NOVA1: variants seen among roughly 807,000 people sequenced by gnomAD.
NOVA1 encodes RNA-binding protein Nova-1.
Under a neutral mutation model 38.0 loss-of-function variants are expected in NOVA1, and 7 were observed. That is an observed-to-expected ratio of 0.18 (90% CI 0.10 to 0.35). The LOEUF is 0.35. Ranked by LOEUF, NOVA1 falls within the 10% of genes least tolerant of loss-of-function variation. The pLI, the probability that NOVA1 is intolerant of heterozygous loss-of-function variation, is 1.00. For missense variants in NOVA1, 460 were observed against 616.0 expected (o/e 0.75, Z 2.68); for synonymous variants, 270 against 232.5 (o/e 1.16, Z -1.47).
In NOVA1 at chr14:26,447,015, C is replaced by A. The variant is rs1015418223; in HGVS notation, c.*944G>T. 6.6e-6 allele frequency: 1 copy of A among 152,618 alleles called. No individual in the cohort carries two copies. The highest frequency in any genetic ancestry group is 1.9e-4 in the East Asian group (1 of 5,188). The allele number at this position is 152,618 out of a possible 1,614,324, so 9.5% of individuals were successfully genotyped here. A position where few individuals can be genotyped will look rare whatever the true frequency, so the allele number is the denominator to read the frequency against. ...AGGTTTCTAGTGTTAACAAATTATA[C>A]ACAATTATAAGCTCTTAAAATGCAA... is the stretch of plus-strand genomic sequence containing the variant. On this transcript the variant is annotated 3_prime_UTR_variant, in exon 5 of 5. Coordinates refer to ENST00000539517, the MANE Select transcript of NOVA1 (RefSeq NM_002515.3).
chr14:26,587,103 A>G (rs1742734644), intron 2 of NOVA1, among the ~76,000 whole-genome samples: 1 of 151,014 alleles, frequency 6.6e-6, no homozygotes, highest in Non-Finnish European at 1.5e-5. Context: ...AATTACTGGC[A>G]TTAGAGAAAC....
chr14:26,472,661 G>C lies in NOVA1; in HGVS notation c.448-270C>G, dbSNP rs1289142877. The stretch of plus-strand genomic sequence containing the variant: ...TTCACATGAGTACTAAAAGTATCCT[G>C]ACCATATTCATGAATAGTAGTTTCA... On this transcript the variant is annotated intron_variant, in intron 3 of 4. Transcript: ENST00000539517. Among the ~76,000 whole-genome samples, 4 of 151,636 alleles carry C rather than the reference G, an allele frequency of 2.6e-5. No individual in the cohort carries two copies. The East Asian group carries it at 7.8e-4, about 29-fold the overall frequency.
chr14:26,587,308 T>TAAAAA (rs34853058), intron 2 of NOVA1, among the ~76,000 whole-genome samples: 6 of 123,690 alleles, frequency 4.9e-5, no homozygotes, highest in Admixed American at 1.6e-4. Context: ...CTAAAATATA[T>TAAAAA]AAAAAAAAAA....
At chr14:26,571,782 G>T (rs1892492764) in intron 2 of NOVA1, among the ~76,000 whole-genome samples, 1 of 152,114 alleles carries the variant, frequency 6.6e-6, no homozygotes, top group South Asian at 2.1e-4. Flanking sequence ...AATCACAGAG[G>T]CATCAAAACT....
chr14:26,513,606 A>T lies in NOVA1; in HGVS notation c.281-33463T>A, dbSNP rs142151797. 6.6e-3 allele frequency among the ~76,000 whole-genome samples: 996 copies of T among 151,878 alleles called. 8 individuals carry two copies. The highest frequency in any genetic ancestry group is 0.021 in the Middle Eastern group (6 of 292). ...ATATAAAATAAATGCTACTTATAAA[A>T]TTTTTAAAAATACAATGAAAGAAAG... On this transcript the variant is annotated intron_variant, in intron 2 of 4. Coordinates refer to ENST00000539517, the MANE Select transcript of NOVA1 (RefSeq NM_002515.3).
intron 1 of NOVA1, 23 bp downstream of exon 1, chr14:26,597,278 G>A (rs201267272): frequency 8.9e-6 from 11 of 1,241,404 alleles, no homozygotes; most frequent in Middle Eastern, 3.1e-4. Context: ...TGGGGCCAGC[G>A]GGGAGGTGGA....
intron 2 of NOVA1, among the ~76,000 whole-genome samples, chr14:26,490,486 T>C (rs1886250092): frequency 6.6e-6 from 1 of 152,190 alleles, no homozygotes; most frequent in Non-Finnish European, 1.5e-5. Flanking sequence ...CCAATTTCTG[T>C]AAGTCTTAGC....
intron 4 of NOVA1, among the ~76,000 whole-genome samples, chr14:26,462,371 C>T (rs1221093817): frequency 6.6e-6 from 1 of 151,900 alleles, no homozygotes; most frequent in Admixed American, 6.6e-5. Context: ...AAAAAAGAGA[C>T]AGTGTCATAT....
intron 2 of NOVA1, chr14:26,594,539 T>C (rs1894057466): frequency 6.6e-6 from 1 of 152,018 alleles, no homozygotes; most frequent in Non-Finnish European, 1.5e-5. Flanking sequence ...CACAGAAAGC[T>C]AGATTTAAAT....
At chr14:26,486,158 T>A (rs999030605) in intron 2 of NOVA1, among the ~76,000 whole-genome samples, 2 of 152,158 alleles carry the variant, frequency 1.3e-5, no homozygotes, top group African/African-American at 4.8e-5. Flanking sequence ...TATCTTGCAA[T>A]ATATATTTTC....
At chr14:26,555,707 A>G (rs1456119300) in intron 2 of NOVA1, among the ~76,000 whole-genome samples, 9 of 152,118 alleles carry the variant, frequency 5.9e-5, no homozygotes, top group Non-Finnish European at 1.2e-4. Context: ...ATATCAACCT[A>G]CATAACTTGA....
At chr14:26,485,378 TAA>T (rs1159362096) in intron 2 of NOVA1, among the ~76,000 whole-genome samples, 1 of 152,168 alleles carries the variant, frequency 6.6e-6, no homozygotes, top group African/African-American at 2.4e-5. Flanking sequence ...GAAAATGATT[TAA>T]AAACTATAAT....
At chr14:26,449,844 T>G (rs971701106) in intron 4 of NOVA1, among the ~76,000 whole-genome samples, 1 of 152,198 alleles carries the variant, frequency 6.6e-6, no homozygotes, top group Admixed American at 6.5e-5. Flanking sequence ...CAATCCAATA[T>G]GACCACACAT....
intron 4 of NOVA1, among the ~76,000 whole-genome samples, chr14:26,454,890 T>C (rs1883028366): frequency 6.6e-6 from 1 of 152,154 alleles, no homozygotes; most frequent in African/African-American, 2.4e-5. Flanking sequence ...AGGCTCCACT[T>C]AGTAGCATCC....
intron 2 of NOVA1, among the ~76,000 whole-genome samples, chr14:26,490,573 T>C (rs1015808424): frequency 6.6e-6 from 1 of 152,216 alleles, no homozygotes; most frequent in African/African-American, 2.4e-5. Flanking sequence ...GATTTGCACT[T>C]TACTAATGAC....
intron 2 of NOVA1, among the ~76,000 whole-genome samples, chr14:26,521,720 C>G (rs1888914313): frequency 6.6e-6 from 1 of 151,934 alleles, no homozygotes; most frequent in African/African-American, 2.4e-5. Context: ...TATGTTAGAA[C>G]AGAGGTCAGC....
intron 2 of NOVA1, among the ~76,000 whole-genome samples, chr14:26,541,876 A>G (rs958296935): frequency 6.6e-6 from 1 of 151,726 alleles, no homozygotes; most frequent in Non-Finnish European, 1.5e-5. Flanking sequence ...TGTTATTGCT[A>G]TAAGAAGTAT....
intron 2 of NOVA1, among the ~76,000 whole-genome samples, chr14:26,516,114 T>G (rs1888444578): frequency 6.6e-6 from 1 of 152,146 alleles, no homozygotes; most frequent in African/African-American, 2.4e-5. Context: ...TATCATGTTA[T>G]GGTTTTAATC....
chr14:26,562,168 T>C (rs545232848), intron 2 of NOVA1, among the ~76,000 whole-genome samples: 1 of 152,166 alleles, frequency 6.6e-6, no homozygotes, highest in Non-Finnish European at 1.5e-5. Flanking sequence ...AAGTATGTAT[T>C]GTAGGCTTCT....
Sources: allele counts gnomAD v4.1 joint callset (sites outside exome capture counted in the v4.1 genomes callset), GRCh38; gene constraint gnomAD v4.1.1; transcripts MANE v1.5; gene names NCBI Gene and HGNC (gene_info 2026-07-23, HGNC 2026-07-21).